The following KPNA6 variants were observed in gnomAD, a reference collection of about 807,000 sequenced individuals.
KPNA6 encodes importin subunit alpha-7.
A neutral mutation model predicts 72.0 loss-of-function variants in KPNA6; 9 were observed. The observed-to-expected ratio is 0.13, with a 90% CI of 0.08 to 0.22. The LOEUF (loss-of-function observed/expected upper bound fraction) is 0.22. Among genes scored for constraint, KPNA6 ranks in the 10% least tolerant of loss-of-function variants. The probability of loss-of-function intolerance (pLI) is 1.00; values close to 1 mark genes in which losing one functional copy is unlikely to be tolerated. For synonymous variants in KPNA6, 219 were observed against 242.1 expected (o/e 0.90, Z 0.89); for missense variants, 374 against 655.7 (o/e 0.57, Z 4.69).
intron 9 of KPNA6, 23 bp downstream of exon 9, chr1:32,162,547 C>T: frequency 1.2e-6 from 2 of 1,612,726 alleles, no homozygotes; most frequent in Non-Finnish European, 1.7e-6. Context: ...AGAAGGGGTA[C>T]AGGTTCTGGC....
rs904462818 is a variant in KPNA6, at chr1:32,172,315, A to G, written c.*1421A>G. On this transcript the variant is annotated 3_prime_UTR_variant, in exon 14 of 14. Coordinates refer to ENST00000373625, the MANE Select transcript of KPNA6 (RefSeq NM_012316.5). ...GTCCCAGGACCTGAAGGGAGCAAGG[A>G]TGGCCTCAGGGCCTGGTGAAGTCTG... 4 of 152,122 alleles carry G rather than the reference A, an allele frequency of 2.6e-5. No homozygotes were observed. The highest frequency in any genetic ancestry group is 9.7e-5 in the African/African-American group (4 of 41,416). The allele number at this position is 152,122 out of a possible 1,614,324, so 9.4% of individuals were successfully genotyped here.
chr1:32,111,453 G>T (rs1641242499), intron 1 of KPNA6, among the ~76,000 whole-genome samples: 1 of 152,154 alleles, frequency 6.6e-6, no homozygotes, highest in Admixed American at 6.5e-5. Context: ...CCTCTTTCCA[G>T]CTCCATCTCA....
chr1:32,113,214 G>GA (rs1641269477), intron 1 of KPNA6, among the ~76,000 whole-genome samples: 1 of 151,994 alleles, frequency 6.6e-6, no homozygotes, highest in Admixed American at 6.6e-5. Flanking sequence ...AACATAGTGA[G>GA]ACCCCATCTC....
Position 32,173,505 on chromosome 1 carries a change from G to A in KPNA6, c.*2611G>A, listed in dbSNP as rs1023911774. On this transcript the variant is annotated 3_prime_UTR_variant, in exon 14 of 14. Coordinates refer to ENST00000373625, the MANE Select transcript of KPNA6 (RefSeq NM_012316.5). ...ATAGATTTCTAATCAGAGAAAAGTGGCCTCCAGGAGCTTTCATTTATGTCT... is the reference window on the plus strand; with the variant it reads ...ATAGATTTCTAATCAGAGAAAAGTGACCTCCAGGAGCTTTCATTTATGTCT... 1.2e-5 allele frequency: 2 copies of A among 166,932 alleles called. No individual in the cohort carries two copies. The highest frequency in any genetic ancestry group is 4.8e-5 in the African/African-American group (2 of 42,074). The allele number at this position is 166,932 out of a possible 1,614,324, so 10.3% of individuals were successfully genotyped here.
At chr1:32,132,806 G>GACA (rs893324537) in intron 1 of KPNA6, among the ~76,000 whole-genome samples, 2 of 152,180 alleles carry the variant, frequency 1.3e-5, no homozygotes, top group African/African-American at 4.8e-5. Context: ...CGGAGGCTGG[G>GACA]ACAGGAGAAT....
At chr1:32,169,693 A>G (rs890366339) in intron 12 of KPNA6, among the ~76,000 whole-genome samples, 189 bp from the exon 13 acceptor site, 4 of 149,412 alleles carry the variant, frequency 2.7e-5, no homozygotes, top group Non-Finnish European at 3.0e-5. Context: ...ATCTCTTGAC[A>G]TTGTGATCCG....
intron 9 of KPNA6, among the ~76,000 whole-genome samples, chr1:32,162,884 C>A (rs191909064): frequency 6.6e-6 from 1 of 150,832 alleles, no homozygotes; most frequent in East Asian, 2.0e-4. Flanking sequence ...GCGGGTGGAT[C>A]ACAAGGTCAG....
At chr1:32,108,175 G>T in intron 1 of KPNA6, 41 bp downstream of exon 1, 1 of 1,613,596 alleles carries the variant, frequency 6.2e-7, no homozygotes, top group South Asian at 1.1e-5. Context: ...TGGGCTCAGG[G>T]AGTGTCGGGG....
At chr1:32,129,660 A>G (rs149081062) in intron 1 of KPNA6, among the ~76,000 whole-genome samples, 3,803 of 152,216 alleles carry the variant, frequency 0.025, 52 homozygotes, top group Non-Finnish European at 0.031. Context: ...GGCTCAAGTG[A>G]TCGTCCTGCC....
chr1:32,115,313 T>C (rs1641311693), intron 1 of KPNA6, among the ~76,000 whole-genome samples: 1 of 151,508 alleles, frequency 6.6e-6, no homozygotes, highest in Admixed American at 6.6e-5. Context: ...TTTTTTTTTG[T>C]ATTTTTAGTA....
intron 1 of KPNA6, among the ~76,000 whole-genome samples, chr1:32,129,308 T>C (rs2124533648): frequency 6.6e-6 from 1 of 151,870 alleles, no homozygotes; most frequent in South Asian, 2.1e-4. Flanking sequence ...CTGGGAGGCA[T>C]GTACCACCAT....
chr1:32,143,022 C>G, intron 1 of KPNA6: 1 of 1,285,362 alleles, frequency 7.8e-7, no homozygotes, highest in Non-Finnish European at 1.0e-6. Context: ...AGCTATGTGT[C>G]AGGTAATAGG....
intron 9 of KPNA6, 109 bp downstream of exon 9, chr1:32,162,633 G>A (rs537149918): frequency 9.5e-6 from 11 of 1,156,018 alleles, no homozygotes; most frequent in African/African-American, 4.6e-5. Context: ...TCAGGAGTTC[G>A]AGACCAGCCT....
chr1:32,161,168 G>T (rs1162389602), intron 7 of KPNA6, among the ~76,000 whole-genome samples: 1 of 151,956 alleles, frequency 6.6e-6, no homozygotes, highest in Non-Finnish European at 1.5e-5. Flanking sequence ...AAAAGATTGT[G>T]CCACCCATCT....
chr1:32,112,163 T>C (rs1641252833), intron 1 of KPNA6, among the ~76,000 whole-genome samples: 1 of 152,234 alleles, frequency 6.6e-6, no homozygotes, highest in Non-Finnish European at 1.5e-5. Flanking sequence ...ACTTGCCAGC[T>C]TTTATTTTAT....
chr1:32,163,201 G>T (rs1226781514), intron 9 of KPNA6, 34 bp from the exon 10 acceptor site: 10 of 1,444,432 alleles, frequency 6.9e-6, no homozygotes, highest in Non-Finnish European at 8.8e-6. Context: ...AAAATGGTGT[G>T]CTGGCCTTCT....
intron 1 of KPNA6, among the ~76,000 whole-genome samples, chr1:32,135,781 G>T (rs915222499): frequency 2.6e-4 from 37 of 141,830 alleles, no homozygotes; most frequent in South Asian, 9.1e-4. Context: ...GAGTTATGGG[G>T]TTTTTTTTTT....
chr1:32,133,356 T>A (rs1416753473), intron 1 of KPNA6, among the ~76,000 whole-genome samples: 2 of 149,002 alleles, frequency 1.3e-5, no homozygotes, highest in Non-Finnish European at 1.5e-5. Flanking sequence ...AAAAAAAAAA[T>A]TGTGGAGGTT....
At chr1:32,150,583 C>G (rs1330877783) in intron 1 of KPNA6, among the ~76,000 whole-genome samples, 1 of 151,994 alleles carries the variant, frequency 6.6e-6, no homozygotes, top group Non-Finnish European at 1.5e-5. Context: ...TGATTTTTCT[C>G]CTATGGGTCA....
Sources: gnomAD v4.1 joint callset for allele counts (sites outside exome capture counted in the v4.1 genomes callset) on GRCh38, gnomAD v4.1.1 for gene constraint, MANE v1.5 for transcripts, NCBI Gene and HGNC (gene_info 2026-07-23, HGNC 2026-07-21) for gene names.